SCN1A: variants seen among roughly 807,000 people sequenced by gnomAD.
The protein encoded by SCN1A is sodium voltage-gated channel alpha subunit 1.
Under a neutral mutation model 193.7 loss-of-function variants are expected in SCN1A, and 13 were observed. The ratio of observed to expected loss-of-function variants is 0.07; its 90% CI spans 0.04 to 0.11. SCN1A has a LOEUF of 0.11. Ranked by LOEUF, SCN1A falls within the 10% of genes least tolerant of loss-of-function variation. The pLI, the probability that SCN1A is intolerant of heterozygous loss-of-function variation, is 1.00. For synonymous variants in SCN1A, 781 were observed against 843.6 expected (o/e 0.93, Z 1.29); for missense variants, 1,432 against 2,451.1 (o/e 0.58, Z 8.78).
In SCN1A at chr2:166,012,247, C is replaced by T. The variant is rs200745708; in HGVS notation, c.3741G>A (p.Thr1247=). The part of the protein sequence containing the change: ...FEDIYIDQRK[T]IKTMLEYADK... Reference sequence around the variant, plus strand: ...CAGCATATTCCAACATCGTCTTAATCGTCTTTCGCTGATCAATATATATAT... The same window carrying T: ...CAGCATATTCCAACATCGTCTTAATTGTCTTTCGCTGATCAATATATATAT... Residue 1247 remains threonine (T), a synonymous_variant, in exon 22 of 29, where the codon ACG becomes ACA. Coordinates refer to ENST00000674923, the MANE Select transcript of SCN1A (RefSeq NM_001165963.4). 1.3e-5 allele frequency: 21 copies of T among 1,609,448 alleles called. No homozygotes were observed. In the Admixed American group the frequency reaches 1.5e-4, roughly 12 times the overall value.
intron 18 of SCN1A, 116 bp downstream of exon 18, chr2:166,037,660 T>C (rs1241885420): frequency 1.1e-6 from 1 of 927,198 alleles, no homozygotes; most frequent in African/African-American, 1.7e-5. Context: ...ATACTCTTTT[T>C]TTTTATTATA....
intron 23 of SCN1A, among the ~76,000 whole-genome samples, chr2:166,008,640 A>C (rs1292658597): frequency 5.3e-5 from 8 of 151,130 alleles, no homozygotes; most frequent in Non-Finnish European, 1.0e-4. Context: ...ATGTTAGGGA[A>C]ATCGAAGACA....
chr2:166,104,872 T>C (rs2106163725), intron 2 of SCN1A, among the ~76,000 whole-genome samples: 1 of 152,360 alleles, frequency 6.6e-6, no homozygotes, highest in Middle Eastern at 3.4e-3. Flanking sequence ...GCCAGTATGC[T>C]GTTGTAAGAA....
At chr2:166,127,193 G>C (rs147969830) in intron 1 of SCN1A, 183 bp from the exon 2 acceptor site, 4 of 152,262 alleles carry the variant, frequency 2.6e-5, no homozygotes, top group Admixed American at 2.6e-4. Flanking sequence ...TGGCAGAGGT[G>C]GGGGGCGGAA....
chr2:166,000,393 A>T (rs1690663416), intron 24 of SCN1A, among the ~76,000 whole-genome samples: 1 of 151,736 alleles, frequency 6.6e-6, no homozygotes, highest in South Asian at 2.1e-4. Context: ...GAAGATAATA[A>T]GTTAATATGA....
intron 19 of SCN1A, among the ~76,000 whole-genome samples, chr2:166,029,607 A>C (rs1049486358): frequency 1.3e-5 from 2 of 152,196 alleles, no homozygotes; most frequent in Non-Finnish European, 2.9e-5. Flanking sequence ...AAGTAGATTT[A>C]AAATGCATAT....
intron 9 of SCN1A, among the ~76,000 whole-genome samples, chr2:166,050,942 C>T (rs1467244861): frequency 1.3e-5 from 2 of 151,750 alleles, no homozygotes; most frequent in Non-Finnish European, 2.9e-5. Context: ...TGAAGCCATG[C>T]ATTACCTCCA....
At chr2:166,050,261 T>G (rs142270029) in intron 9 of SCN1A, among the ~76,000 whole-genome samples, 48 of 152,042 alleles carry the variant, frequency 3.2e-4, no homozygotes, top group Middle Eastern at 6.8e-3. Context: ...ATTTTTCAGT[T>G]ATAATAGTTA....
At chr2:166,118,537 G>T (rs1336308052) in intron 2 of SCN1A, among the ~76,000 whole-genome samples, 3 of 151,672 alleles carry the variant, frequency 2.0e-5, no homozygotes, top group African/African-American at 4.8e-5. Context: ...TGAGGCCCAG[G>T]TGGCACTGAA....
intron 5 of SCN1A, among the ~76,000 whole-genome samples, chr2:166,056,771 T>C (rs941316975): frequency 4.6e-5 from 7 of 152,112 alleles, no homozygotes; most frequent in Non-Finnish European, 8.8e-5. Context: ...ACAACTATTA[T>C]TAAATCAATA....
chr2:166,089,580 G>A (rs1411961487), intron 2 of SCN1A, among the ~76,000 whole-genome samples: 1 of 152,028 alleles, frequency 6.6e-6, no homozygotes, highest in Non-Finnish European at 1.5e-5. Flanking sequence ...ACTAGGTAGG[G>A]GATGGGGCTG....
At chr2:166,012,790 T>C (rs1473800227) in intron 21 of SCN1A, among the ~76,000 whole-genome samples, 2 of 145,772 alleles carry the variant, frequency 1.4e-5, no homozygotes, top group African/African-American at 4.9e-5. Flanking sequence ...TTTATGTTTC[T>C]CAACAGACAT....
intron 4 of SCN1A, among the ~76,000 whole-genome samples, chr2:166,070,050 TA>T (rs2105966058): frequency 6.6e-6 from 1 of 152,344 alleles, no homozygotes; most frequent in South Asian, 2.1e-4. Flanking sequence ...CAGATTTTGC[TA>T]AGCATTCCAA....
At position 166,127,757 on chromosome 2, in the gene SCN1A, A is replaced by G. The variant is rs1691416551; in HGVS notation, c.-229+14T>C. On this transcript the variant is annotated intron_variant, in intron 1 of 28. Transcript: ENST00000674923. ...ATAAACTTAAAATCAAGATGAAACA[A>G]TTAGATGGCTTACCTGATTAAAAGG... 1 of 152,208 alleles carries G rather than the reference A, an allele frequency of 6.6e-6. No homozygotes were observed. Among genetic ancestry groups the G allele is most frequent in the Non-Finnish European group, 1.5e-5 (1 of 68,036 alleles). 9.4% of individuals were successfully genotyped at this position (152,208 alleles called of 1,614,324 possible).
intron 2 of SCN1A, among the ~76,000 whole-genome samples, chr2:166,097,431 T>C (rs1340446637): frequency 6.6e-6 from 1 of 152,206 alleles, no homozygotes; most frequent in Admixed American, 6.5e-5. Context: ...TCTTTATTAA[T>C]TTGTTTTTTC....
chr2:166,101,419 T>C (rs1269538013), intron 2 of SCN1A, among the ~76,000 whole-genome samples: 1 of 141,118 alleles, frequency 7.1e-6, no homozygotes, highest in Non-Finnish European at 1.5e-5. Flanking sequence ...GGATGACGAG[T>C]TAGTGGGTGC....
At chr2:165,985,431 AGGAAG>A (rs1397923700), downstream of SCN1A, 3 of 151,816 alleles carry the variant, frequency 2.0e-5, no homozygotes, top group Non-Finnish European at 4.4e-5. Flanking sequence ...GGAAAGAAAA[AGGAAG>A]GGAAGGGAAG....
At chr2:166,084,074 A>C (rs952738468) in intron 2 of SCN1A, among the ~76,000 whole-genome samples, 2 of 152,112 alleles carry the variant, frequency 1.3e-5, no homozygotes, top group African/African-American at 2.4e-5. Context: ...GCAATGAGAG[A>C]GGCACTGCCT....
chr2:166,013,348 A>G (rs1315019331), intron 21 of SCN1A, among the ~76,000 whole-genome samples: 2 of 151,440 alleles, frequency 1.3e-5, no homozygotes, highest in African/African-American at 2.4e-5. Flanking sequence ...GTCCATCAAG[A>G]GATAATAATA....
Sources: gnomAD v4.1 joint callset for allele counts (sites outside exome capture counted in the v4.1 genomes callset) on GRCh38, gnomAD v4.1.1 for gene constraint, MANE v1.5 for transcripts, NCBI Gene and HGNC (gene_info 2026-07-23, HGNC 2026-07-21) for gene names.